Variants in EPB41L4B observed in about 807,000 individuals in gnomAD.
EPB41L4B encodes the protein erythrocyte membrane protein band 4.1 like 4B, also known as band 4.1-like protein 4B.
A neutral mutation model predicts 112.5 loss-of-function variants in EPB41L4B; 30 were observed. That is an observed-to-expected ratio of 0.27 (90% confidence interval 0.20 to 0.36). The LOEUF (loss-of-function observed/expected upper bound fraction) is 0.36. Ranked by LOEUF, EPB41L4B falls within the 10% of genes least tolerant of loss-of-function variation. EPB41L4B has a pLI of 1.00. For synonymous variants in EPB41L4B, 408 were observed against 439.7 expected (o/e 0.93, Z 0.90); for missense variants, 1,024 against 1,133.3 (o/e 0.90, Z 1.38).
intron 1 of EPB41L4B, among the ~76,000 whole-genome samples, chr9:109,316,292 A>T (rs1458976286): frequency 6.6e-6 from 1 of 152,208 alleles, no homozygotes; most frequent in Non-Finnish European, 1.5e-5. Context: ...GTTCCCTCCA[A>T]AGCATGGCGG....
chr9:109,258,115 G>A (rs1171000546), intron 7 of EPB41L4B, 62 bp downstream of exon 7: 1 of 1,549,924 alleles, frequency 6.5e-7, no homozygotes, highest in Non-Finnish European at 8.8e-7. Context: ...AAAGGAGTGT[G>A]ATCAACACTT....
At chr9:109,220,451 G>A (rs1833532536) in intron 15 of EPB41L4B, among the ~76,000 whole-genome samples, 1 of 152,174 alleles carries the variant, frequency 6.6e-6, no homozygotes, top group Non-Finnish European at 1.5e-5. Context: ...GTTGGGGAGA[G>A]ACTCCAGTAT....
chr9:109,262,519 C>T (rs1487891724), intron 6 of EPB41L4B, among the ~76,000 whole-genome samples: 1 of 151,444 alleles, frequency 6.6e-6, no homozygotes, highest in African/African-American at 2.4e-5. Context: ...CCTTCTATTA[C>T]AGCAGCACCT....
At chr9:109,295,407 A>G (rs916518558) in intron 1 of EPB41L4B, among the ~76,000 whole-genome samples, 7 of 152,214 alleles carry the variant, frequency 4.6e-5, no homozygotes, top group African/African-American at 1.4e-4. Context: ...ACCCAGCAGA[A>G]TAAGAACATC....
intron 1 of EPB41L4B, among the ~76,000 whole-genome samples, chr9:109,298,313 CTTTTTT>C: frequency 7.0e-6 from 1 of 143,132 alleles, no homozygotes; most frequent in Non-Finnish European, 1.5e-5. Context: ...ATCATATATG[CTTTTTT>C]TTTTTTTTCC....
intron 15 of EPB41L4B, chr9:109,241,901 A>AG: frequency 7.7e-7 from 1 of 1,305,098 alleles, no homozygotes; most frequent in South Asian, 1.3e-5. Flanking sequence ...GAAATGGGGC[A>AG]GGGGGAACCA....
chr9:109,319,306 G>A (rs1837750437), intron 1 of EPB41L4B, among the ~76,000 whole-genome samples: 2 of 152,288 alleles, frequency 1.3e-5, no homozygotes, highest in South Asian at 2.1e-4. Flanking sequence ...ACCTGTGGGC[G>A]GGTGCCCGGG....
At chr9:109,292,388 G>C (rs1250375457) in intron 1 of EPB41L4B, among the ~76,000 whole-genome samples, 2 of 152,162 alleles carry the variant, frequency 1.3e-5, no homozygotes, top group African/African-American at 2.4e-5. Context: ...CTAACACAAA[G>C]GTCCACTGGA....
chr9:109,305,455 C>A (rs1218646454), intron 1 of EPB41L4B, among the ~76,000 whole-genome samples: 1 of 151,942 alleles, frequency 6.6e-6, no homozygotes, highest in Non-Finnish European at 1.5e-5. Context: ...CCGGTCTCTA[C>A]TAAAAATACA....
At chr9:109,250,691 G>A (rs1564294156) in intron 13 of EPB41L4B, among the ~76,000 whole-genome samples, 1 of 152,164 alleles carries the variant, frequency 6.6e-6, no homozygotes, top group Non-Finnish European at 1.5e-5. Flanking sequence ...GATTCAATGC[G>A]CCTGGGGTGT....
chr9:109,188,533 AT>A (rs1365230672), intron 22 of EPB41L4B, among the ~76,000 whole-genome samples: 1 of 152,256 alleles, frequency 6.6e-6, no homozygotes, highest in Non-Finnish European at 1.5e-5. Context: ...CATGGACTAA[AT>A]AGATTTCTCT....
intron 4 of EPB41L4B, among the ~76,000 whole-genome samples, chr9:109,265,309 T>A (rs1835361341): frequency 1.3e-5 from 2 of 152,106 alleles, no homozygotes; most frequent in Admixed American, 1.3e-4. Flanking sequence ...CACAACCCCC[T>A]CCGTGCTGGA....
chr9:109,245,190 G>C (rs1386670594), intron 14 of EPB41L4B, among the ~76,000 whole-genome samples: 1 of 152,220 alleles, frequency 6.6e-6, no homozygotes, highest in Admixed American at 6.5e-5. Context: ...TTTGCCCAGA[G>C]TCTAACTGTT....
chr9:109,279,762 G>T, intron 2 of EPB41L4B, 55 bp downstream of exon 2: 1 of 1,410,690 alleles, frequency 7.1e-7, no homozygotes, highest in Non-Finnish European at 1.0e-6. Context: ...CTGTGGACGT[G>T]CAATTAGCAA....
At position 109,283,087 on chromosome 9, in the gene EPB41L4B, G is replaced by A. The variant is rs189089728; in HGVS notation, c.307-3166C>T. Among the ~76,000 whole-genome samples, 258 of 152,222 alleles carry A rather than the reference G, an allele frequency of 1.7e-3. 2 individuals carry two copies. Among genetic ancestry groups the A allele is most frequent in the South Asian group, 2.5e-3 (12 of 4,814 alleles). On this transcript the variant is annotated intron_variant, in intron 1 of 25. Transcript: ENST00000374566. ...TTTAAAATACACTTTTTTCTTAAAG[G>A]CAAAATGAAAATGCAACGTCTACAG...
At chr9:109,309,168 T>A (rs1355867590) in intron 1 of EPB41L4B, among the ~76,000 whole-genome samples, 1 of 152,144 alleles carries the variant, frequency 6.6e-6, no homozygotes, top group Non-Finnish European at 1.5e-5. Context: ...CACAAACTGA[T>A]AAGTACGGAA....
intron 17 of EPB41L4B, 60 bp downstream of exon 17, chr9:109,213,640 A>C: frequency 7.1e-7 from 1 of 1,408,602 alleles, no homozygotes; most frequent in African/African-American, 1.4e-5. Context: ...TAGGGTAGTA[A>C]TCAGAGGTTT....
intron 17 of EPB41L4B, 73 bp from the exon 18 acceptor site, chr9:109,208,122 A>G: frequency 6.3e-7 from 1 of 1,577,282 alleles, no homozygotes; most frequent in Middle Eastern, 1.7e-4. Context: ...TTTCCCAATA[A>G]TCATAACTGC....
intron 5 of EPB41L4B, among the ~76,000 whole-genome samples, chr9:109,263,636 CGTA>C (rs1413527516): frequency 6.6e-6 from 1 of 152,180 alleles, no homozygotes; most frequent in African/African-American, 2.4e-5. Context: ...CTCATTCATA[CGTA>C]ATATTTCAAA....
Sources: gnomAD v4.1 joint callset for allele counts (sites outside exome capture counted in the v4.1 genomes callset) on GRCh38, gnomAD v4.1.1 for gene constraint, MANE v1.5 for transcripts, NCBI Gene and HGNC (gene_info 2026-07-23, HGNC 2026-07-21) for gene names.